The following PPP1R3F variants were observed in gnomAD, a reference collection of about 807,000 sequenced individuals.
PPP1R3F encodes the protein protein phosphatase 1, regulatory (inhibitor) subunit 3F.
Under a neutral mutation model 24.2 loss-of-function variants are expected in PPP1R3F, and 29 were observed. That is an observed-to-expected ratio of 1.20 (90% CI 0.89 to 1.63). The LOEUF (loss-of-function observed/expected upper bound fraction) is 1.63. Among genes scored for constraint, PPP1R3F ranks in the 40% most tolerant of loss-of-function variants. The pLI, the probability that PPP1R3F is intolerant of heterozygous loss-of-function variation, is 0.00. For synonymous variants in PPP1R3F, 363 were observed against 340.1 expected, an observed-to-expected ratio of 1.07 and a Z score of -0.74; for missense variants, 823 against 729.3, an observed-to-expected ratio of 1.13 and a Z score of -1.48.
chrX:49,292,580 G>A (rs946773827), downstream of PPP1R3F, among the ~76,000 whole-genome samples: 15 of 112,868 alleles, frequency 1.3e-4, no homozygotes, highest in African/African-American at 4.5e-4. Context: ...CCAGCTGCCA[G>A]CTCCGCCTCC....
intron 3 of PPP1R3F, among the ~76,000 whole-genome samples, chrX:49,294,131 A>G (rs1475750233): frequency 9.0e-6 from 1 of 111,480 alleles, no homozygotes; most frequent in East Asian, 2.8e-4. Context: ...ATGAATTTTA[A>G]TATGTGTAGA....
At chrX:49,285,496 A>C (rs782132329) in intron 3 of PPP1R3F, among the ~76,000 whole-genome samples, 1 of 111,768 alleles carries the variant, frequency 8.9e-6, no homozygotes. Flanking sequence ...GTGCCTGGCT[A>C]CTTACACTTT....
rs782769164 is a variant in PPP1R3F, at chrX:49,270,705, G to A, written c.836G>A (p.Arg279His). The change falls in exon 1 of 4, where the codon CGC becomes CAC. Residue 279 changes from arginine (R) to histidine (H), a missense_variant. Arg to His is a conservative substitution (Grantham distance 29, BLOSUM62 0). Transcript: ENST00000055335. The stretch of plus-strand genomic sequence containing the variant: ...ACTTTCTGGGCCAACAACCACGGCC[G>A]CAACTACACAGTCCTGCTCCGGATC... ...EGTFWANNHG[R>H]NYTVLLRIAP... 16 of 1,207,241 alleles carry A rather than the reference G, an allele frequency of 1.3e-5. No homozygotes were observed. The highest frequency in any genetic ancestry group is 5.3e-5 in the South Asian group (3 of 56,328).
At chrX:49,284,949 A>G (rs2066272390) in intron 3 of PPP1R3F, among the ~76,000 whole-genome samples, 1 of 111,760 alleles carries the variant, frequency 8.9e-6, no homozygotes, top group Non-Finnish European at 1.9e-5. Context: ...AGATGGAGCT[A>G]GGAAATAATT....
intron 3 of PPP1R3F, among the ~76,000 whole-genome samples, chrX:49,297,945 C>T (rs1418637095): frequency 6.6e-5 from 7 of 106,027 alleles, no homozygotes; most frequent in African/African-American, 2.4e-4. Flanking sequence ...TGAATATAGC[C>T]CACCGATGGG....
At chrX:49,272,822 A>G (rs1329077831) in intron 1 of PPP1R3F, among the ~76,000 whole-genome samples, 1 of 112,089 alleles carries the variant, frequency 8.9e-6, no homozygotes, top group African/African-American at 3.2e-5. Flanking sequence ...ATCCCCATTT[A>G]GTAGAGGGGA....
rs1557121601 is a variant in PPP1R3F, at chrX:49,286,567, G to A, written c.1877G>A (p.Cys626Tyr). The change falls in exon 4 of 4, where the codon TGT becomes TAT. Residue 626 changes from cysteine to tyrosine, a missense_variant. By Grantham distance (194) the Cys-to-Tyr change is radical. Transcript: ENST00000055335. ...CTCCCATGGGCAGAGGGCTCAGGATGTGACGGCCCTGTGGTTCTGGGTACA... is the reference window on the plus strand; with the variant it reads ...CTCCCATGGGCAGAGGGCTCAGGATATGACGGCCCTGTGGTTCTGGGTACA... The part of the protein sequence containing the change: ...VWLPWAEGSG[C>Y]DGPVVLGTEG... 2 of 1,211,796 alleles carry A rather than the reference G, an allele frequency of 1.7e-6. No individual in the cohort carries two copies. Among genetic ancestry groups the A allele is most frequent in the South Asian group, 3.5e-5 (2 of 56,922 alleles).
intron 3 of PPP1R3F, among the ~76,000 whole-genome samples, chrX:49,298,347 T>C (rs1290543614): frequency 8.9e-6 from 1 of 112,264 alleles, no homozygotes; most frequent in Non-Finnish European, 1.9e-5. Context: ...TGGCCCCCAC[T>C]CTCTTCTGGC....
chrX:49,279,340 C>T (rs782321918), intron 1 of PPP1R3F, among the ~76,000 whole-genome samples: 3 of 112,149 alleles, frequency 2.7e-5, no homozygotes, highest in Admixed American at 9.4e-5. Context: ...ATGTATGGGT[C>T]AGATGGTGAT....
In PPP1R3F at chrX:49,269,893, GC is replaced by G; in HGVS notation, c.29del (p.Pro10ArgfsTer162). The part of the protein sequence containing the change: MARTAPVE[P>X]PLRHSAPPSP... Reference sequence around the variant, plus strand: ...ATATGGCGCGTACGGCCCCTGTGGAGCCCCCGCTGCGGCATTCCGCGCCCCC... The same window carrying G: ...ATATGGCGCGTACGGCCCCTGTGGAGCCCCGCTGCGGCATTCCGCGCCCCC... On this transcript the variant is annotated frameshift_variant, in exon 1 of 4. Transcript: ENST00000055335. LOFTEE classifies it high-confidence loss of function. The G allele has an allele frequency of 2.2e-6, 2 of 904,124 alleles. No individual in the cohort carries two copies. Among genetic ancestry groups the G allele is most frequent in the Non-Finnish European group, 2.7e-6 (2 of 734,451 alleles). 74.5% of individuals were successfully genotyped at this position (904,124 alleles called of 1,213,427 possible).
downstream of PPP1R3F, among the ~76,000 whole-genome samples, chrX:49,291,907 G>T (rs2066310170): frequency 9.0e-6 from 1 of 111,100 alleles, no homozygotes; most frequent in Non-Finnish European, 1.9e-5. Flanking sequence ...TGTCCAGGAT[G>T]AGACCAAGTC....
At position 49,286,497 on chromosome X, in the gene PPP1R3F, C is replaced by A. The variant is rs781965989; in HGVS notation, c.1807C>A (p.Leu603Ile). Residue 603 changes from leucine to isoleucine, a missense_variant, in exon 4 of 4, where the codon CTC (leucine) becomes ATC (isoleucine). Physicochemically the swap from Leu to Ile is conservative, Grantham distance 5. Transcript: ENST00000055335. The part of the protein sequence containing the change: ...DSPKESPPEI[L>I]SGARSVVATM... ...CCCCAAGGAATCGCCTCCAGAAATC[C>A]TCTCCGGGGCCCGTTCTGTGGTAGC... is the stretch of plus-strand genomic sequence containing the variant. 1.7e-6 allele frequency: 2 copies of A among 1,208,017 alleles called. No individual in the cohort carries two copies. Among genetic ancestry groups the A allele is most frequent in the African/African-American group, 1.7e-5 (1 of 57,812 alleles).
chrX:49,292,353 TC>T (rs1304448593), downstream of PPP1R3F, among the ~76,000 whole-genome samples: 2 of 112,894 alleles, frequency 1.8e-5, no homozygotes. Context: ...TTTTTAATCC[TC>T]TTTATCTCAC....
At chrX:49,284,369 T>C (rs911208118) in intron 3 of PPP1R3F, among the ~76,000 whole-genome samples, 16 of 110,683 alleles carry the variant, frequency 1.4e-4, no homozygotes, top group African/African-American at 4.6e-4. Flanking sequence ...TTCTTTCTTT[T>C]CTTTCCTTTC....
chrX:49,297,828 C>CTTTTTTTTT (rs61353822), intron 3 of PPP1R3F, among the ~76,000 whole-genome samples: 5 of 19,611 alleles, frequency 2.5e-4, no homozygotes, highest in Non-Finnish European at 3.0e-4. Context: ...GCAACCCCTG[C>CTTTTTTTTT]TTTTTTTTTT....
At chrX:49,277,785 C>G (rs1406663703) in intron 1 of PPP1R3F, among the ~76,000 whole-genome samples, 1 of 112,182 alleles carries the variant, frequency 8.9e-6, no homozygotes, top group Non-Finnish European at 1.9e-5. Context: ...GTTGTGTAGT[C>G]AGTGAGTGTA....
rs782000690 is a variant in PPP1R3F at position 49,286,823 on chromosome X, G to T, written c.2133G>T (p.Gly711=). The T allele has an allele frequency of 7.5e-6, 9 of 1,201,233 alleles. No individual in the cohort carries two copies. The highest frequency in any genetic ancestry group is 1.8e-5 in the South Asian group (1 of 55,018). Residue 711 remains glycine (G), a synonymous_variant, in exon 4 of 4, where the codon GGG becomes GGT. Coordinates refer to ENST00000055335, the MANE Select transcript of PPP1R3F (RefSeq NM_033215.5). ...GQNPTLLSPL[G]AEVCLSSVAR... ...ATCCCACCCTCCTCAGTCCCTTGGG[G>T]GCCGAAGTCTGTCTCTCTAGTGTAG...
At chrX:49,282,305 C>A (rs954302136) in intron 3 of PPP1R3F, among the ~76,000 whole-genome samples, 1 of 111,794 alleles carries the variant, frequency 8.9e-6, no homozygotes, top group Non-Finnish European at 1.9e-5. Context: ...AGCACTGTTA[C>A]AAACATGCAA....
At chrX:49,282,182 G>A in intron 3 of PPP1R3F, 119 bp downstream of exon 3, 1 of 492,934 alleles carries the variant, frequency 2.0e-6, no homozygotes. Flanking sequence ...TGGAGGGAGG[G>A]CACAAAACTC....
Sources: gnomAD v4.1 joint callset for allele counts (sites outside exome capture counted in the v4.1 genomes callset) on GRCh38, gnomAD v4.1.1 for gene constraint, MANE v1.5 for transcripts, NCBI Gene and HGNC (gene_info 2026-07-23, HGNC 2026-07-21) for gene names.